Variants in DHX38 observed in about 807,000 individuals in gnomAD.
DHX38 encodes the protein DEAH-box helicase 38.
In DHX38, 100 loss-of-function variants were observed where a neutral mutation model predicts 153.1. The ratio of observed to expected loss-of-function variants is 0.65; its 90% CI spans 0.56 to 0.77. The LOEUF (loss-of-function observed/expected upper bound fraction) is 0.77. DHX38 is among the 30% of genes least tolerant of loss of function. DHX38 has a pLI of 0.00. For synonymous variants in DHX38, 650 were observed against 631.7 expected, an observed-to-expected ratio of 1.03 and a Z score of -0.43; for missense variants, 1,440 against 1,654.0, an observed-to-expected ratio of 0.87 and a Z score of 2.24.
chr16:72,109,025 C>G, intron 24 of DHX38, 100 bp downstream of exon 24: 1 of 1,482,444 alleles, frequency 6.7e-7, no homozygotes, highest in South Asian at 1.4e-5. Flanking sequence ...GCCTGGGAGC[C>G]TTGAGGCCAC....
chr16:72,107,869 T>C lies in DHX38; in HGVS notation c.2964+70T>C. The stretch of plus-strand genomic sequence containing the variant: ...GTGTTGGGGAGGGGAATGGCTTCTC[T>C]CTGTATTACTGAAATGGAACAGAGG... On this transcript the variant is annotated intron_variant, in intron 21 of 26. Coordinates refer to ENST00000268482, the MANE Select transcript of DHX38 (RefSeq NM_014003.4). This position sits in a 1 kb window ranked among gnomAD's most constrained non-coding sequence, Gnocchi z 5.3. 6.4e-7 allele frequency: 1 copy of C among 1,559,420 alleles called. No individual in the cohort carries two copies. The highest frequency in any genetic ancestry group is 8.7e-7 in the Non-Finnish European group (1 of 1,151,086).
Position 72,100,564 on chromosome 16 carries a change from C to T in DHX38, c.1245C>T (p.Pro415=). 2 of 1,614,056 alleles carry T rather than the reference C, an allele frequency of 1.2e-6. No individual in the cohort carries two copies. Among genetic ancestry groups the T allele is most frequent in the South Asian group, 1.1e-5 (1 of 91,076 alleles). Residue 415 remains proline, a synonymous_variant, in exon 9 of 27, where the codon CCC becomes CCT. Transcript: ENST00000268482. ...VHLMVHNLVP[P]FLDGRIVFTK... is the part of the protein sequence containing the mutation. ...TGATGGTGCACAATCTGGTGCCTCC[C>T]TTTCTGGATGGGCGCATTGTCTTCA...
At chr16:72,105,429 G>A in intron 17 of DHX38, 81 bp downstream of exon 17, 3 of 1,596,986 alleles carry the variant, frequency 1.9e-6, no homozygotes, top group Non-Finnish European at 2.6e-6. Flanking sequence ...CCTGGCAGGG[G>A]GTGGGCTAGG....
intron 23 of DHX38, 43 bp downstream of exon 23, chr16:72,108,650 G>A: frequency 1.9e-6 from 3 of 1,601,442 alleles, no homozygotes; most frequent in Non-Finnish European, 1.7e-6. Context: ...CCTGATACCT[G>A]TATAAGGGCA....
At position 72,103,799 on chromosome 16, in the gene DHX38, G is replaced by C. The variant is rs759002603; in HGVS notation, c.1824+11G>C. On this transcript the variant is annotated intron_variant, in intron 13 of 26. Coordinates refer to ENST00000268482, the MANE Select transcript of DHX38 (RefSeq NM_014003.4). ...AACCTTGGCGAGGAGGTGAGTGGGC[G>C]TGGGGGCTGAGCCATGTAGTTATTC... 2.8e-5 allele frequency: 45 copies of C among 1,607,670 alleles called. No individual in the cohort carries two copies. Among genetic ancestry groups the C allele is most frequent in the Non-Finnish European group, 3.7e-5 (43 of 1,174,696 alleles).
Position 72,104,704 on chromosome 16 carries a change from G to A in DHX38, c.2151+78G>A, listed in dbSNP as rs1016836918. 6 of 1,586,918 alleles carry A rather than the reference G, an allele frequency of 3.8e-6. No homozygotes were observed. In the African/African-American group the frequency reaches 4.0e-5, roughly 11 times the overall value. ...GATGCGAAGCCGGCTGGAGGGTGGA[G>A]GGTGGGTAGGGGACTGGGTTGGAGA... On this transcript the variant is annotated intron_variant, in intron 15 of 26. Coordinates refer to ENST00000268482, the MANE Select transcript of DHX38 (RefSeq NM_014003.4). This position sits in a 1 kb window ranked among gnomAD's most constrained non-coding sequence, Gnocchi z 4.5.
intron 24 of DHX38, 122 bp from the exon 25 acceptor site, chr16:72,109,293 C>T (rs1250534152): frequency 4.4e-6 from 5 of 1,135,240 alleles, no homozygotes; most frequent in Non-Finnish European, 4.9e-6. Flanking sequence ...TTTTCCTTTC[C>T]TTTTTTCAGC....
chr16:72,109,622 C>A, intron 25 of DHX38, 112 bp downstream of exon 25: 2 of 997,158 alleles, frequency 2.0e-6, no homozygotes, highest in Non-Finnish European at 2.8e-6. Context: ...TCTCTGCAAA[C>A]ATAAAGGCTG....
At chr16:72,098,149 T>C (rs17590101) in intron 4 of DHX38, among the ~76,000 whole-genome samples, 6,787 of 152,294 alleles carry the variant, frequency 0.045, 167 homozygotes, top group Non-Finnish European at 0.057. Flanking sequence ...AACTGGACCA[T>C]TGGCTAGGTG....
Position 72,104,163 on chromosome 16 carries a change from A to G in DHX38, c.2010+32A>G, listed in dbSNP as rs763935398. On this transcript the variant is annotated intron_variant, in intron 14 of 26. Coordinates refer to ENST00000268482, the MANE Select transcript of DHX38 (RefSeq NM_014003.4). The surrounding 1 kb of genome is among the most constrained non-coding windows in gnomAD (Gnocchi z 4.5). ...GCTGTGTGGTTTGGTCTCTCTGCGC[A>G]TGGGGTGTTGACCAGTGCACCACCA... 33 of 1,607,196 alleles carry G rather than the reference A, an allele frequency of 2.1e-5. No homozygotes were observed. In the Middle Eastern group the frequency reaches 6.9e-4, roughly 34 times the overall value.
chr16:72,107,834 G>A lies in DHX38; in HGVS notation c.2964+35G>A, dbSNP rs376263976. ...CGGCTGGCTCCCCTCTCCCCGGAGGGCTCGAGGAAGTGTTGGGGAGGGGAA... is the reference window on the plus strand; with the variant it reads ...CGGCTGGCTCCCCTCTCCCCGGAGGACTCGAGGAAGTGTTGGGGAGGGGAA... On this transcript the variant is annotated intron_variant, in intron 21 of 26. Transcript: ENST00000268482. The surrounding 1 kb of genome is among the most constrained non-coding windows in gnomAD (Gnocchi z 5.3). The A allele has an allele frequency of 1.2e-6, 2 of 1,604,164 alleles. No homozygotes were observed. Among genetic ancestry groups the A allele is most frequent in the Non-Finnish European group, 1.7e-6 (2 of 1,176,120 alleles).
At position 72,109,410 on chromosome 16, in the gene DHX38, C is replaced by T. The variant is rs150485183; in HGVS notation, c.3382-5C>T. 9.6e-5 allele frequency: 155 copies of T among 1,612,486 alleles called. No homozygotes were observed. The highest frequency in any genetic ancestry group is 6.0e-4 in the Admixed American group (36 of 59,882). Reference sequence around the variant, plus strand: ...ACCCTCGCCTCCCTGCCCTTCTGCCCGCAGGAGTATATGCAGTGTGTGACC... The same window carrying T: ...ACCCTCGCCTCCCTGCCCTTCTGCCTGCAGGAGTATATGCAGTGTGTGACC... On this transcript the variant is annotated splice_polypyrimidine_tract_variant and splice_region_variant and intron_variant, in intron 24 of 26. Coordinates refer to ENST00000268482, the MANE Select transcript of DHX38 (RefSeq NM_014003.4).
rs1597446366 is a variant in DHX38, at chr16:72,106,069, A to C, written c.2552A>C (p.Asn851Thr). The change falls in exon 19 of 27, where the codon AAC (asparagine) becomes ACC (threonine). Residue 851 changes from asparagine to threonine, a missense_variant. By Grantham distance (65) the Asn-to-Thr change is moderately conservative. Transcript: ENST00000268482. Reference protein sequence around the residue: ...QIYPISQANANQRSGRAGRTG... With the variant: ...QIYPISQANATQRSGRAGRTG... ...TATCCCATTAGCCAGGCCAATGCCA[A>C]CCAGCGGTCAGGGCGAGCCGGCAGG... The C allele has an allele frequency of 6.2e-7, 1 of 1,614,232 alleles. No homozygotes were observed. Among genetic ancestry groups the C allele is most frequent in the Non-Finnish European group, 8.5e-7 (1 of 1,180,040 alleles).
chr16:72,108,388 G>A lies in DHX38; in HGVS notation c.3120+6G>A, dbSNP rs371445070. On this transcript the variant is annotated splice_donor_region_variant and intron_variant, in intron 22 of 26. Coordinates refer to ENST00000268482, the MANE Select transcript of DHX38 (RefSeq NM_014003.4). ...ATGCTAAGGCCATGCGGAAGGTAGA[G>A]TGGTGGATGAGCAGGATGTTGGGAT... The A allele has an allele frequency of 6.2e-7, 1 of 1,614,170 alleles. No individual in the cohort carries two copies. Among genetic ancestry groups the A allele is most frequent in the African/African-American group, 1.3e-5 (1 of 75,064 alleles).
chr16:72,108,742 C>A, intron 23 of DHX38, 58 bp from the exon 24 acceptor site: 1 of 1,598,530 alleles, frequency 6.3e-7, no homozygotes, highest in South Asian at 1.1e-5. Context: ...GGGATGGGGT[C>A]GCTGCCCAAA....
intron 4 of DHX38, among the ~76,000 whole-genome samples, chr16:72,098,182 C>T (rs2042047528): frequency 6.6e-6 from 1 of 152,192 alleles, no homozygotes; most frequent in Non-Finnish European, 1.5e-5. Flanking sequence ...CCTGTAATCC[C>T]AGTACTTTGG....
chr16:72,098,887 C>T (rs1345678553), intron 5 of DHX38, 40 bp from the exon 6 acceptor site: 1 of 1,614,072 alleles, frequency 6.2e-7, no homozygotes, highest in African/African-American at 1.3e-5. Flanking sequence ...CGTGGCTTAG[C>T]TCAGTGACAG....
At chr16:72,105,902 C>A (rs1229392596) in intron 18 of DHX38, 103 bp from the exon 19 acceptor site, 8 of 1,070,126 alleles carry the variant, frequency 7.5e-6, no homozygotes, top group Non-Finnish European at 1.1e-5. Flanking sequence ...CCTCCTGGCT[C>A]TTCCTCTGCC....
At chr16:72,112,135 G>A in intron 26 of DHX38, 1 of 501,704 alleles carries the variant, frequency 2.0e-6, no homozygotes, top group Non-Finnish European at 3.6e-6. Context: ...GCGCACGTGA[G>A]GTGGAGGGAA....
Sources: gnomAD v4.1 joint callset for allele counts (sites outside exome capture counted in the v4.1 genomes callset) on GRCh38, gnomAD v4.1.1 for gene constraint, Gnocchi (gnomAD v3.1) non-coding constraint, MANE v1.5 for transcripts, NCBI Gene and HGNC (gene_info 2026-07-23, HGNC 2026-07-21) for gene names.